The following NDST4 variants were observed in gnomAD, a reference collection of about 807,000 sequenced individuals.
The protein encoded by NDST4 is N-deacetylase and N-sulfotransferase 4, also known as N-heparan sulfate sulfotransferase 4.
NDST4 carries 63 observed loss-of-function variants against 100.8 expected under a neutral mutation model. The observed-to-expected ratio is 0.62, with a 90% CI of 0.51 to 0.77. The LOEUF is 0.77. NDST4 is among the 30% of genes least tolerant of loss of function. The pLI, the probability that NDST4 is intolerant of heterozygous loss-of-function variation, is 0.00. For missense variants in NDST4, 943 were observed against 1,018.4 expected, an observed-to-expected ratio of 0.93 and a Z score of 1.01; for synonymous variants, 377 against 361.8, an observed-to-expected ratio of 1.04 and a Z score of -0.48.
rs184909065 is a variant in NDST4 at position 115,031,103 on chromosome 4, T to C, written c.978+44956A>G. On this transcript the variant is annotated intron_variant, in intron 2 of 13. Coordinates refer to ENST00000264363, the MANE Select transcript of NDST4 (RefSeq NM_022569.3). ...TTTAATTTTCAGGGATTAAAAGAAATGTATTCCCTTTAAAAACTGATTTGA... is the reference window on the plus strand; with the variant it reads ...TTTAATTTTCAGGGATTAAAAGAAACGTATTCCCTTTAAAAACTGATTTGA... Among the ~76,000 whole-genome samples, 6 of 152,252 alleles carry C rather than the reference T, an allele frequency of 3.9e-5. No individual in the cohort carries two copies. In the East Asian group the frequency reaches 1.2e-3, roughly 29 times the overall value.
intron 4 of NDST4, 81 bp downstream of exon 4, chr4:114,970,349 C>T (rs1389258078): frequency 8.2e-7 from 1 of 1,216,656 alleles, no homozygotes; most frequent in African/African-American, 1.5e-5. Context: ...CTATCATATT[C>T]AACCCAATAC....
chr4:115,112,743 C>T (rs1418898008), intron 1 of NDST4, among the ~76,000 whole-genome samples: 2 of 151,626 alleles, frequency 1.3e-5, no homozygotes, highest in Non-Finnish European at 2.9e-5. Flanking sequence ...TCTTGTTTTC[C>T]AACTTATTCT....
chr4:115,047,456 C>T (rs1427872711), intron 2 of NDST4, among the ~76,000 whole-genome samples: 1 of 151,982 alleles, frequency 6.6e-6, no homozygotes, highest in Non-Finnish European at 1.5e-5. Context: ...TTTATTATTA[C>T]AAAGTAAGTA....
intron 6 of NDST4, among the ~76,000 whole-genome samples, chr4:114,921,304 T>C (rs1218693492): frequency 1.3e-5 from 2 of 152,184 alleles, no homozygotes; most frequent in Non-Finnish European, 2.9e-5. Context: ...GTGTTATCAC[T>C]TAAAAATAGC....
chr4:114,844,837 TC>T (rs1213652826), intron 10 of NDST4, among the ~76,000 whole-genome samples: 2 of 152,214 alleles, frequency 1.3e-5, no homozygotes, highest in Non-Finnish European at 2.9e-5. Flanking sequence ...CATTTGTCCA[TC>T]CTTTTGAAGT....
intron 2 of NDST4, among the ~76,000 whole-genome samples, chr4:115,004,338 T>G (rs1727364860): frequency 6.6e-6 from 1 of 152,132 alleles, no homozygotes; most frequent in South Asian, 2.1e-4. Context: ...AATAAATATA[T>G]AAGAATTTTT....
chr4:115,023,102 G>A (rs984323482), intron 2 of NDST4, among the ~76,000 whole-genome samples: 1 of 152,076 alleles, frequency 6.6e-6, no homozygotes, highest in African/African-American at 2.4e-5. Context: ...GGGTGGGAAG[G>A]GGGTGAGGGC....
chr4:114,961,490 T>C (rs935631627), intron 4 of NDST4, among the ~76,000 whole-genome samples: 1 of 151,936 alleles, frequency 6.6e-6, no homozygotes, highest in African/African-American at 2.4e-5. Context: ...ACTGGTAAAA[T>C]CAATAATGAA....
intron 6 of NDST4, among the ~76,000 whole-genome samples, chr4:114,883,338 G>C (rs1724411118): frequency 6.6e-6 from 1 of 151,984 alleles, no homozygotes; most frequent in African/African-American, 2.4e-5. Flanking sequence ...TGAGTTATAA[G>C]GGACCTGCAC....
intron 2 of NDST4, 71 bp from the exon 3 acceptor site, chr4:114,977,345 A>T (rs970239843): frequency 5.4e-6 from 5 of 921,988 alleles, no homozygotes; most frequent in Non-Finnish European, 8.6e-6. Context: ...TCTTTTGCAA[A>T]TGTGTATGCA....
In NDST4 at chr4:115,106,827, G is replaced by A. The variant is rs374906093; in HGVS notation, c.-247+6617C>T. Among the ~76,000 whole-genome samples, 5 of 152,194 alleles carry A rather than the reference G, an allele frequency of 3.3e-5. No homozygotes were observed. In the East Asian group the frequency reaches 9.7e-4, roughly 29 times the overall value. ...TACCGCCACCAATTTGGGAGAATGA[G>A]ATATGGAGCCAGCTCCTCTGCTACG... On this transcript the variant is annotated intron_variant, in intron 1 of 13. Coordinates refer to ENST00000264363, the MANE Select transcript of NDST4 (RefSeq NM_022569.3).
rs753267657 is a variant in NDST4 at position 114,841,512 on chromosome 4, G to A, written c.2116-1964C>T. ...ATGTTCAAAGAATTTATTTGAAAAA[G>A]CAAGCGCAGAGAGGCACACACATCA... On this transcript the variant is annotated intron_variant, in intron 10 of 13. Transcript: ENST00000264363. Among the ~76,000 whole-genome samples, 16 of 152,064 alleles carry A rather than the reference G, an allele frequency of 1.1e-4. 1 individual carries two copies. Among genetic ancestry groups the A allele is most frequent in the Non-Finnish European group, 2.4e-4 (16 of 68,004 alleles).
intron 7 of NDST4, among the ~76,000 whole-genome samples, chr4:114,870,363 A>G (rs996628879): frequency 6.6e-6 from 1 of 152,136 alleles, no homozygotes. Flanking sequence ...GCACATATAC[A>G]TATCAAAGTC....
chr4:114,927,704 T>A (rs1260630489), intron 6 of NDST4, among the ~76,000 whole-genome samples: 1 of 152,108 alleles, frequency 6.6e-6, no homozygotes, highest in Admixed American at 6.6e-5. Context: ...TACAGAAAAC[T>A]ATCAATCATT....
At chr4:114,953,155 A>G (rs917241029) in intron 4 of NDST4, among the ~76,000 whole-genome samples, 1 of 151,220 alleles carries the variant, frequency 6.6e-6, no homozygotes, top group Non-Finnish European at 1.5e-5. Flanking sequence ...TTGTGTGACT[A>G]TGCACAAGTC....
intron 1 of NDST4, among the ~76,000 whole-genome samples, chr4:115,093,177 A>G (rs1374780716): frequency 6.6e-6 from 1 of 152,176 alleles, no homozygotes; most frequent in Admixed American, 6.5e-5. Context: ...GAATAATTTT[A>G]TAATAAATTG....
chr4:114,937,936 T>C (rs1004107271), intron 4 of NDST4, among the ~76,000 whole-genome samples: 1 of 152,012 alleles, frequency 6.6e-6, no homozygotes, highest in Non-Finnish European at 1.5e-5. Context: ...CTATGAATAA[T>C]GAAGTGATGA....
At chr4:114,836,935 CA>C (rs1723318045) in intron 11 of NDST4, among the ~76,000 whole-genome samples, 1 of 152,062 alleles carries the variant, frequency 6.6e-6, no homozygotes, top group Non-Finnish European at 1.5e-5. Flanking sequence ...GTATGTTTCA[CA>C]AAGTTCTCAT....
At chr4:114,980,380 G>A (rs1161741229) in intron 2 of NDST4, among the ~76,000 whole-genome samples, 1 of 152,184 alleles carries the variant, frequency 6.6e-6, no homozygotes, top group East Asian at 1.9e-4. Context: ...GATGGCTCAT[G>A]CCTGTAATCC....
Sources: allele counts gnomAD v4.1 joint callset (sites outside exome capture counted in the v4.1 genomes callset), GRCh38; gene constraint gnomAD v4.1.1; transcripts MANE v1.5; gene names NCBI Gene and HGNC (gene_info 2026-07-23, HGNC 2026-07-21).